The following MYBPC2 variants were observed in gnomAD, a reference collection of about 807,000 sequenced individuals.
MYBPC2 encodes myosin-binding protein C, fast-type.
A neutral mutation model predicts 137.0 loss-of-function variants in MYBPC2; 122 were observed. The ratio of observed to expected loss-of-function variants is 0.89; its 90% CI spans 0.77 to 1.03. MYBPC2 has a LOEUF of 1.03. Among genes scored for constraint, MYBPC2 ranks in the 50% least tolerant of loss-of-function variants. The probability of loss-of-function intolerance (pLI) is 0.00; values close to 1 mark genes in which losing one functional copy is unlikely to be tolerated. For synonymous variants in MYBPC2, 626 were observed against 612.3 expected, an observed-to-expected ratio of 1.02 and a Z score of -0.33; for missense variants, 1,500 against 1,534.4, an observed-to-expected ratio of 0.98 and a Z score of 0.37.
At position 50,437,522 on chromosome 19, in the gene MYBPC2, G is replaced by A. The variant is rs192680999; in HGVS notation, c.512+1G>A. 503 of 1,610,090 alleles carry A rather than the reference G, an allele frequency of 3.1e-4. 4 individuals are homozygous for A. In the African/African-American group the frequency reaches 5.7e-3, roughly 18 times the overall value. On this transcript the variant is annotated splice_donor_variant, in intron 6 of 27. Transcript: ENST00000357701. LOFTEE classifies it high-confidence loss of function. The stretch of plus-strand genomic sequence containing the variant: ...AGAGTCTAGAAAGCTTCAAGCGTAC[G>A]TAAGTGACCCCAGGCCCTTACCAGG...
Position 50,448,263 on chromosome 19 carries a change from A to G in MYBPC2, c.1345A>G (p.Thr449Ala), listed in dbSNP as rs1332699561. ...LEVLQDIADL[T>A]VKASEQAVFK... ...GGTCCTGCAGGACATCGCGGATCTG[A>G]CGGTGAAGGCCTCAGAACAAGCTGT... is the stretch of plus-strand genomic sequence containing the variant. The change falls in exon 13 of 28, where the codon ACG becomes GCG. Residue 449 changes from threonine (T) to alanine (A), a missense_variant. Transcript: ENST00000357701. 6.2e-7 allele frequency: 1 copy of G among 1,613,672 alleles called. No individual in the cohort carries two copies. Among genetic ancestry groups the G allele is most frequent in the African/African-American group, 1.3e-5 (1 of 74,918 alleles).
chr19:50,442,138 A>G (rs200106057), intron 8 of MYBPC2, 43 bp from the exon 9 acceptor site: 29 of 1,556,618 alleles, frequency 1.9e-5, no homozygotes, highest in Non-Finnish European at 2.5e-5. Context: ...CAGGGGAATG[A>G]GGACCACACG....
At chr19:50,451,125 GGGA>G (rs2039853228) in intron 14 of MYBPC2, among the ~76,000 whole-genome samples, 152 bp from the exon 15 acceptor site, 1 of 152,130 alleles carries the variant, frequency 6.6e-6, no homozygotes, top group Non-Finnish European at 1.5e-5. Context: ...CCTGCCGCCC[GGGA>G]GGAGGGGTGG....
chr19:50,440,858 T>A (rs755851315), intron 7 of MYBPC2, 22 bp from the exon 8 acceptor site: 1 of 1,603,620 alleles, frequency 6.2e-7, no homozygotes, highest in South Asian at 1.1e-5. Context: ...TGATGGCCCC[T>A]GTCCGTTCCC....
At chr19:50,452,526 A>G (rs2039870968) in intron 16 of MYBPC2, among the ~76,000 whole-genome samples, 1 of 151,624 alleles carries the variant, frequency 6.6e-6, no homozygotes, top group African/African-American at 2.4e-5. Context: ...CTATCTATCT[A>G]TCTATCTATC....
chr19:50,457,207 C>T (rs2039921747), intron 20 of MYBPC2, among the ~76,000 whole-genome samples: 1 of 152,142 alleles, frequency 6.6e-6, no homozygotes, highest in Admixed American at 6.6e-5. Flanking sequence ...GAACCCTCAT[C>T]AGCTTCCTCC....
Position 50,454,427 on chromosome 19 carries a change from T to G in MYBPC2, c.2014+58T>G, listed in dbSNP as rs765641443. 1.1e-3 allele frequency: 1,465 copies of G among 1,337,186 alleles called. 1 individual carries two copies. Among genetic ancestry groups the G allele is most frequent in the Admixed American group, 2.1e-3 (82 of 38,318 alleles). 82.8% of individuals were successfully genotyped at this position (1,337,186 alleles called of 1,614,324 possible). A position where few individuals can be genotyped will look rare whatever the true frequency, so the allele number is the denominator to read the frequency against. ...TCCCTCTTTCTGCCTTCTGTTTTTT[T>G]TTTTTTTTTTTTTTTTGAGATGGAG... On this transcript the variant is annotated intron_variant, in intron 18 of 27. Coordinates refer to ENST00000357701, the MANE Select transcript of MYBPC2 (RefSeq NM_004533.4).
intron 20 of MYBPC2, among the ~76,000 whole-genome samples, chr19:50,457,749 G>A (rs1457427077): frequency 6.9e-6 from 1 of 145,652 alleles, no homozygotes; most frequent in South Asian, 2.1e-4. Context: ...GGGTGATCTC[G>A]GCTCACTGCA....
Position 50,455,209 on chromosome 19 carries a change from G to A in MYBPC2, c.2116G>A (p.Gly706Ser), listed in dbSNP as rs201350817. The A allele has an allele frequency of 6.0e-4, 972 of 1,613,810 alleles. 1 individual carries two copies. The highest frequency in any genetic ancestry group is 7.4e-4 in the Non-Finnish European group (868 of 1,179,858). ...CTATGAGTCCACCAAGATGATCGAG[G>A]GCATCCTCTATGAGATGCGTGTCTT... Reference protein sequence around the residue: ...TTYESTKMIEGILYEMRVFAV... With the variant: ...TTYESTKMIESILYEMRVFAV... The change falls in exon 19 of 28, where the codon GGC becomes AGC. Residue 706 changes from glycine to serine, a missense_variant. Physicochemically the swap from Gly to Ser is moderately conservative, Grantham distance 56. Coordinates refer to ENST00000357701, the MANE Select transcript of MYBPC2 (RefSeq NM_004533.4).
chr19:50,452,548 C>A (rs867956288), intron 16 of MYBPC2, among the ~76,000 whole-genome samples: 1 of 133,296 alleles, frequency 7.5e-6, no homozygotes, highest in African/African-American at 2.7e-5. Flanking sequence ...ATGTATCTAT[C>A]TATCTATCTA....
chr19:50,459,378 A>T, intron 23 of MYBPC2, 72 bp downstream of exon 23: 1 of 680,940 alleles, frequency 1.5e-6, no homozygotes. Context: ...AGGAGGTAAG[A>T]GATGAGGGGT....
At chr19:50,437,546 G>C in intron 6 of MYBPC2, 25 bp downstream of exon 6, 1 of 1,605,612 alleles carries the variant, frequency 6.2e-7, no homozygotes. Flanking sequence ...GCCCTTACCA[G>C]GGTCCCAAGG....
At chr19:50,440,360 A>AAATAAATG (rs1347620577) in intron 7 of MYBPC2, among the ~76,000 whole-genome samples, 12 of 151,404 alleles carry the variant, frequency 7.9e-5, no homozygotes, top group African/African-American at 2.7e-4. Context: ...ATAAATAAAT[A>AAATAAATG]AATGAAAAGA....
At position 50,443,807 on chromosome 19, in the gene MYBPC2, A is replaced by G. The variant is rs2039778082; in HGVS notation, c.1124A>G (p.Gln375Arg). 1.2e-6 allele frequency: 2 copies of G among 1,613,676 alleles called. No individual in the cohort carries two copies. Among genetic ancestry groups the G allele is most frequent in the Non-Finnish European group, 1.7e-6 (2 of 1,179,694 alleles). Residue 375 changes from glutamine (Q) to arginine (R), a missense_variant, in exon 11 of 28, where the codon CAG becomes CGG. Transcript: ENST00000357701. ...MAVEVSEEGA[Q>R]VMWMKDGVEL... ...GTGGAGGTGTCAGAAGAGGGTGCCC[A>G]GGTGATGTGGTAAGTGACCCTTGAT...
chr19:50,447,140 A>C (rs1023609122), intron 12 of MYBPC2, among the ~76,000 whole-genome samples: 3 of 151,798 alleles, frequency 2.0e-5, no homozygotes, highest in Non-Finnish European at 2.9e-5. Flanking sequence ...TCCACCCCCC[A>C]GTACCCGCCA....
chr19:50,453,967 G>C, intron 16 of MYBPC2, 53 bp from the exon 17 acceptor site: 5 of 1,535,366 alleles, frequency 3.3e-6, no homozygotes, highest in African/African-American at 1.4e-5. Context: ...AGGCAGGCCT[G>C]GGTTTGCTTG....
chr19:50,452,268 C>T (rs1395331645), intron 16 of MYBPC2, among the ~76,000 whole-genome samples: 1 of 152,190 alleles, frequency 6.6e-6, no homozygotes, highest in Non-Finnish European at 1.5e-5. Context: ...AACTCATCCG[C>T]CCATCCAGCT....
At chr19:50,438,508 C>G (rs1016536580) in intron 7 of MYBPC2, among the ~76,000 whole-genome samples, 1 of 152,124 alleles carries the variant, frequency 6.6e-6, no homozygotes, top group East Asian at 1.9e-4. Flanking sequence ...GCAGTTGACA[C>G]GCCCATCCAC....
At position 50,461,545 on chromosome 19, in the gene MYBPC2, T is replaced by C. The variant is rs767191192; in HGVS notation, c.2935T>C (p.Trp979Arg). The C allele has an allele frequency of 8.1e-5, 131 of 1,610,816 alleles. No individual in the cohort carries two copies. The highest frequency in any genetic ancestry group is 1.1e-4 in the Non-Finnish European group (127 of 1,178,756). The stretch of plus-strand genomic sequence containing the variant: ...TCCCTCCCTGTCCCCACACTAGGAG[T>C]GGTTCAACGTCTATGAACGTAACAG... ...VQKADKKTME[W>R]FNVYERNRHT... Residue 979 changes from tryptophan (W) to arginine (R), a missense_variant, in exon 25 of 28, where the codon TGG becomes CGG. Trp to Arg is a moderately radical substitution (Grantham distance 101, BLOSUM62 -3). Transcript: ENST00000357701.
Sources: allele counts gnomAD v4.1 joint callset (sites outside exome capture counted in the v4.1 genomes callset), GRCh38; gene constraint gnomAD v4.1.1; transcripts MANE v1.5; gene names NCBI Gene and HGNC (gene_info 2026-07-23, HGNC 2026-07-21).